The following FBXL13 variants were observed in gnomAD, a reference collection of about 807,000 sequenced individuals.
FBXL13 encodes F-box and leucine rich repeat protein 13, also known as F-box and leucine-rich repeat protein 13.
A neutral mutation model predicts 83.6 loss-of-function variants in FBXL13; 67 were observed. The ratio of observed to expected loss-of-function variants is 0.80; its 90% CI spans 0.66 to 0.98. The LOEUF is 0.98. FBXL13 is among the 50% of genes least tolerant of loss of function. The pLI is 0.00. For missense variants in FBXL13, 822 were observed against 866.5 expected (o/e 0.95, Z 0.64); for synonymous variants, 272 against 299.5 (o/e 0.91, Z 0.95).
At chr7:103,031,730 G>T (rs561057853) in intron 2 of FBXL13, among the ~76,000 whole-genome samples, 14 of 152,350 alleles carry the variant, frequency 9.2e-5, no homozygotes, top group African/African-American at 3.4e-4. Context: ...TCTACCATAA[G>T]AGATGATTTT....
In FBXL13 at chr7:102,879,430, C is replaced by A. The variant is rs141822805; in HGVS notation, c.1389-980G>T. ...GGGAGTGTGCCAGCACCTAGGAAAGCAGTTAAGGATGTGTGTGTGTGTGTG... is the reference window on the plus strand; with the variant it reads ...GGGAGTGTGCCAGCACCTAGGAAAGAAGTTAAGGATGTGTGTGTGTGTGTG... On this transcript the variant is annotated intron_variant, in intron 14 of 19. Transcript: ENST00000313221. Among the ~76,000 whole-genome samples, 907 of 129,688 alleles carry A rather than the reference C, an allele frequency of 7.0e-3. 12 individuals are homozygous for A. Among genetic ancestry groups the A allele is most frequent in the African/African-American group, 0.032 (875 of 27,330 alleles). 85.1% of individuals were successfully genotyped at this position (129,688 alleles called of 152,430 possible).
At chr7:103,010,625 A>C (rs1259094979) in intron 6 of FBXL13, among the ~76,000 whole-genome samples, 1 of 152,028 alleles carries the variant, frequency 6.6e-6, no homozygotes, top group Admixed American at 6.6e-5. Context: ...CCAGTTTTGC[A>C]TAGGTCCCTG....
intron 17 of FBXL13, among the ~76,000 whole-genome samples, chr7:102,845,583 C>T (rs2129449981): frequency 6.6e-6 from 1 of 152,268 alleles, no homozygotes; most frequent in Middle Eastern, 3.4e-3. Flanking sequence ...TCGTCTTTAA[C>T]CACATCTTCA....
chr7:102,989,135 T>C (rs1412337536), intron 6 of FBXL13, among the ~76,000 whole-genome samples: 3 of 152,042 alleles, frequency 2.0e-5, no homozygotes, highest in African/African-American at 7.2e-5. Context: ...GAACAAACAA[T>C]TGAGTAAACT....
chr7:102,986,178 C>T (rs1828930197), intron 6 of FBXL13, among the ~76,000 whole-genome samples: 1 of 152,176 alleles, frequency 6.6e-6, no homozygotes, highest in Non-Finnish European at 1.5e-5. Flanking sequence ...ATGGCATTTA[C>T]ATGGCAGAGC....
chr7:102,971,329 G>A (rs1195835595), intron 6 of FBXL13, among the ~76,000 whole-genome samples: 12 of 152,142 alleles, frequency 7.9e-5, no homozygotes, highest in Admixed American at 7.9e-4. Context: ...TGAGTGCAGT[G>A]GCTCACACCT....
chr7:102,985,261 G>C (rs1254960304), intron 6 of FBXL13, among the ~76,000 whole-genome samples: 1 of 152,204 alleles, frequency 6.6e-6, no homozygotes, highest in Non-Finnish European at 1.5e-5. Context: ...CTGGACTACA[G>C]TCAAATTCTC....
chr7:102,879,241 T>A (rs966128695), intron 14 of FBXL13, among the ~76,000 whole-genome samples: 4 of 152,206 alleles, frequency 2.6e-5, no homozygotes, highest in African/African-American at 9.6e-5. Context: ...GGAAGAACAC[T>A]GGGAGCAAAA....
At chr7:102,843,437 TCAAAAA>T (rs112263544) in intron 17 of FBXL13, among the ~76,000 whole-genome samples, 18 of 151,024 alleles carry the variant, frequency 1.2e-4, no homozygotes, top group South Asian at 6.3e-4. Flanking sequence ...AAACTCCATC[TCAAAAA>T]CAAAAACAAA....
At chr7:102,930,853 C>T (rs1025201236) in intron 9 of FBXL13, among the ~76,000 whole-genome samples, 26 of 152,194 alleles carry the variant, frequency 1.7e-4, no homozygotes, top group Non-Finnish European at 3.2e-4. Context: ...TCAATGTTGT[C>T]CATTGCCTAC....
At chr7:102,864,297 C>T (rs1398351070) in intron 16 of FBXL13, among the ~76,000 whole-genome samples, 1 of 152,162 alleles carries the variant, frequency 6.6e-6, no homozygotes, top group Non-Finnish European at 1.5e-5. Context: ...CTGCTTCTTC[C>T]TCCAGCTTTC....
intron 6 of FBXL13, among the ~76,000 whole-genome samples, chr7:102,987,783 C>T (rs1450975339): frequency 6.6e-6 from 1 of 151,964 alleles, no homozygotes; most frequent in Non-Finnish European, 1.5e-5. Flanking sequence ...GTGATGACAC[C>T]ATTTACCAAG....
At chr7:102,940,515 G>A (rs1445816292) in intron 8 of FBXL13, among the ~76,000 whole-genome samples, 3 of 152,110 alleles carry the variant, frequency 2.0e-5, no homozygotes, top group Admixed American at 2.0e-4. Flanking sequence ...TGGCCTAAAT[G>A]TAGTGATTTT....
intron 6 of FBXL13, among the ~76,000 whole-genome samples, chr7:103,023,556 C>T (rs1793475202): frequency 1.3e-5 from 2 of 152,142 alleles, no homozygotes; most frequent in African/African-American, 2.4e-5. Flanking sequence ...TTGTGGAAAG[C>T]AGTTTGGCCA....
intron 10 of FBXL13, among the ~76,000 whole-genome samples, chr7:102,920,372 G>GT (rs148367277): frequency 0.036 from 5,449 of 149,556 alleles, 289 homozygotes; most frequent in African/African-American, 0.13. Flanking sequence ...CATACACTCA[G>GT]TTTTTTTTTT....
At chr7:102,831,733 A>C (rs1800742079) in intron 18 of FBXL13, among the ~76,000 whole-genome samples, 1 of 152,100 alleles carries the variant, frequency 6.6e-6, no homozygotes, top group Non-Finnish European at 1.5e-5. Flanking sequence ...TTAGGATTCA[A>C]AGCAGTCTCT....
At chr7:102,888,728 T>G (rs1434907848) in intron 11 of FBXL13, among the ~76,000 whole-genome samples, 1 of 152,060 alleles carries the variant, frequency 6.6e-6, no homozygotes, top group African/African-American at 2.4e-5. Flanking sequence ...TGTTTGTTTT[T>G]GTTTTTTTTT....
intron 16 of FBXL13, among the ~76,000 whole-genome samples, chr7:102,867,857 T>C (rs190131820): frequency 2.0e-5 from 3 of 151,448 alleles, no homozygotes; most frequent in Admixed American, 2.0e-4. Context: ...CCTGCCACCA[T>C]GCCTGGCTAA....
chr7:102,976,605 T>G (rs1827501128), intron 6 of FBXL13, among the ~76,000 whole-genome samples: 1 of 152,072 alleles, frequency 6.6e-6, no homozygotes, highest in South Asian at 2.1e-4. Context: ...GCCCCCCTGT[T>G]TGGGGTAATT....
Sources: allele counts gnomAD v4.1 joint callset (sites outside exome capture counted in the v4.1 genomes callset), GRCh38; gene constraint gnomAD v4.1.1; transcripts MANE v1.5; gene names NCBI Gene and HGNC (gene_info 2026-07-23, HGNC 2026-07-21).